Variants in COLGALT2 observed in about 807,000 individuals in gnomAD.
COLGALT2 encodes the protein collagen beta(1-O)galactosyltransferase 2.
A neutral mutation model predicts 73.4 loss-of-function variants in COLGALT2; 49 were observed. The observed-to-expected ratio is 0.67, with a 90% CI of 0.53 to 0.85. The LOEUF is 0.85. Ranked by LOEUF, COLGALT2 falls within the 40% of genes least tolerant of loss-of-function variation. The pLI is 0.00. For missense variants in COLGALT2, 722 were observed against 790.2 expected (o/e 0.91, Z 1.03); for synonymous variants, 295 against 307.6 (o/e 0.96, Z 0.43).
At chr1:183,945,146 T>C in intron 9 of COLGALT2, among the ~76,000 whole-genome samples, 1 of 152,214 alleles carries the variant, frequency 6.6e-6, no homozygotes, top group East Asian at 1.9e-4. Flanking sequence ...TCATAATAGG[T>C]ATAATAGAAG....
At chr1:183,947,983 A>G (rs1354162876) in intron 8 of COLGALT2, among the ~76,000 whole-genome samples, 1 of 152,130 alleles carries the variant, frequency 6.6e-6, no homozygotes, top group Non-Finnish European at 1.5e-5. Context: ...AACAAATTAG[A>G]TAACCTAGAT....
At chr1:183,955,504 C>T (rs1006251406) in intron 6 of COLGALT2, among the ~76,000 whole-genome samples, 9 of 152,128 alleles carry the variant, frequency 5.9e-5, no homozygotes, top group Non-Finnish European at 8.8e-5. Flanking sequence ...AGAGAGCTGG[C>T]CCATGTCTAA....
Position 183,938,634 on chromosome 1 carries a change from C to CTA in COLGALT2, c.*126_*127insTA. Reference sequence around the variant, plus strand: ...TTAATTTCGATCTATCACACTAGATCACTTTGGTTAGATGACTGTGACCAC... The same window carrying CTA: ...TTAATTTCGATCTATCACACTAGATCTAACTTTGGTTAGATGACTGTGACCAC... On this transcript the variant is annotated 3_prime_UTR_variant, in exon 12 of 12. Transcript: ENST00000361927. 29 of 1,461,234 alleles carry CTA rather than the reference C, an allele frequency of 2.0e-5. No homozygotes were observed. Among genetic ancestry groups the CTA allele is most frequent in the Non-Finnish European group, 2.4e-5 (26 of 1,104,922 alleles). The allele number at this position is 1,461,234 out of a possible 1,614,324, so 90.5% of individuals were successfully genotyped here.
chr1:183,947,861 TA>T (rs1558310749), intron 8 of COLGALT2, among the ~76,000 whole-genome samples: 1 of 151,726 alleles, frequency 6.6e-6, no homozygotes, highest in Non-Finnish European at 1.5e-5. Flanking sequence ...ACTGATGAAT[TA>T]AAAAAAAGTA....
intron 1 of COLGALT2, among the ~76,000 whole-genome samples, chr1:184,019,281 G>A (rs1649100284): frequency 3.9e-5 from 6 of 152,174 alleles, no homozygotes; most frequent in Admixed American, 3.9e-4. Context: ...AGGCTGAGCT[G>A]TGCCAAGCAG....
chr1:183,962,844 C>T (rs1023856636), intron 6 of COLGALT2, among the ~76,000 whole-genome samples: 2 of 152,206 alleles, frequency 1.3e-5, no homozygotes, highest in African/African-American at 4.8e-5. Flanking sequence ...CATTTCTGTG[C>T]TAAAATCTTT....
intron 1 of COLGALT2, among the ~76,000 whole-genome samples, chr1:184,019,657 T>C (rs1307618260): frequency 6.6e-6 from 1 of 152,194 alleles, no homozygotes; most frequent in African/African-American, 2.4e-5. Flanking sequence ...AGAACTTAAG[T>C]ACAAACTGAA....
downstream of COLGALT2, among the ~76,000 whole-genome samples, chr1:183,933,916 C>A (rs1180386176): frequency 6.6e-6 from 1 of 152,214 alleles, no homozygotes; most frequent in African/African-American, 2.4e-5. Context: ...ATTCTTCATT[C>A]TTTCCACTCT....
At chr1:183,940,302 G>A (rs1346071511) in intron 11 of COLGALT2, among the ~76,000 whole-genome samples, 1 of 152,152 alleles carries the variant, frequency 6.6e-6, no homozygotes, top group Non-Finnish European at 1.5e-5. Context: ...GAAATAAGAA[G>A]AGCAAAGACA....
chr1:183,953,550 C>G (rs1670470743), intron 7 of COLGALT2, among the ~76,000 whole-genome samples: 1 of 152,146 alleles, frequency 6.6e-6, no homozygotes, highest in Admixed American at 6.5e-5. Flanking sequence ...ACCTAGGGAA[C>G]CGAGAGAGAG....
intron 6 of COLGALT2, among the ~76,000 whole-genome samples, chr1:183,959,865 A>G (rs1371442746): frequency 2.6e-5 from 4 of 152,018 alleles, no homozygotes; most frequent in East Asian, 1.9e-4. Flanking sequence ...TTATGCCCCA[A>G]TCATGCTGGC....
chr1:184,036,989 C>G (rs1649701860), intron 1 of COLGALT2, 106 bp downstream of exon 1: 1 of 990,282 alleles, frequency 1.0e-6, no homozygotes, highest in South Asian at 4.3e-5. Context: ...CCCCCCCGCC[C>G]CTCCAGCGGC....
intron 4 of COLGALT2, among the ~76,000 whole-genome samples, chr1:183,972,585 C>T (rs11576230): frequency 5.7e-4 from 59 of 104,076 alleles, no homozygotes; most frequent in South Asian, 3.6e-3. Context: ...AAAATCAAAC[C>T]TTTTTTAACT....
chr1:183,941,180 C>T (rs759576141), intron 10 of COLGALT2, among the ~76,000 whole-genome samples: 2 of 152,178 alleles, frequency 1.3e-5, no homozygotes, highest in African/African-American at 4.8e-5. Context: ...GTCTTCAGGT[C>T]CCCAGAGTGT....
intron 1 of COLGALT2, among the ~76,000 whole-genome samples, chr1:184,000,210 G>T (rs540324401): frequency 6.6e-6 from 1 of 151,950 alleles, no homozygotes; most frequent in South Asian, 2.1e-4. Context: ...TTTCAGTCTC[G>T]TTTTTTGGCC....
At chr1:183,948,339 A>T (rs1055602045) in intron 8 of COLGALT2, among the ~76,000 whole-genome samples, 4 of 152,214 alleles carry the variant, frequency 2.6e-5, no homozygotes, top group African/African-American at 9.6e-5. Context: ...AATACTAGCA[A>T]GAGAATCCAG....
In COLGALT2 at chr1:183,963,604, G is replaced by C. The variant is rs151182916; in HGVS notation, c.952+297C>G. Reference sequence around the variant, plus strand: ...ATATAATTAGAAAGCAGCCAAGTTAGGGTTTAAGTCCACACCACAAAACAC... The same window carrying C: ...ATATAATTAGAAAGCAGCCAAGTTACGGTTTAAGTCCACACCACAAAACAC... On this transcript the variant is annotated intron_variant, in intron 6 of 11. Coordinates refer to ENST00000361927, the MANE Select transcript of COLGALT2 (RefSeq NM_015101.4). Among the ~76,000 whole-genome samples the C allele has an allele frequency of 2.4e-3, 361 of 152,270 alleles. 1 individual carries two copies. Among genetic ancestry groups the C allele is most frequent in the African/African-American group, 8.3e-3 (343 of 41,556 alleles).
intron 1 of COLGALT2, among the ~76,000 whole-genome samples, chr1:184,024,824 T>G (rs185160573): frequency 8.7e-4 from 132 of 152,202 alleles, no homozygotes; most frequent in Admixed American, 2.4e-3. Context: ...ATACTGACAA[T>G]CCATGCATAG....
chr1:184,000,746 G>A (rs1320321906), intron 1 of COLGALT2, among the ~76,000 whole-genome samples: 3 of 150,764 alleles, frequency 2.0e-5, no homozygotes, highest in South Asian at 2.1e-4. Context: ...ATCTGAAAAT[G>A]TCTCCAATTG....
Sources: allele counts gnomAD v4.1 joint callset (sites outside exome capture counted in the v4.1 genomes callset), GRCh38; gene constraint gnomAD v4.1.1; transcripts MANE v1.5; gene names NCBI Gene and HGNC (gene_info 2026-07-23, HGNC 2026-07-21).